The following ITFG1 variants were observed in gnomAD, a reference collection of about 807,000 sequenced individuals.
ITFG1 encodes integrin alpha FG-GAP repeat containing 1.
A neutral mutation model predicts 81.8 loss-of-function variants in ITFG1; 34 were observed. That is an observed-to-expected ratio of 0.42 (90% CI 0.32 to 0.55). The LOEUF is 0.55. ITFG1 is among the 20% of genes least tolerant of loss of function. The pLI is 0.17. For synonymous variants in ITFG1, 285 were observed against 270.6 expected (o/e 1.05, Z -0.52); for missense variants, 672 against 755.4 (o/e 0.89, Z 1.29).
chr16:47,260,790 G>A (rs1966201905), intron 10 of ITFG1, 95 bp from the exon 11 acceptor site: 3 of 1,242,930 alleles, frequency 2.4e-6, no homozygotes, highest in South Asian at 1.5e-5. Flanking sequence ...GACGGTAAAC[G>A]GTACACAGTG....
chr16:47,170,140 GCTTT>G (rs1040188527), intron 14 of ITFG1, among the ~76,000 whole-genome samples: 4 of 152,148 alleles, frequency 2.6e-5, no homozygotes, highest in African/African-American at 7.2e-5. Flanking sequence ...CTGGTCTGTA[GCTTT>G]CTTGTAGTAT....
At chr16:47,229,005 C>T (rs1317557679) in intron 13 of ITFG1, among the ~76,000 whole-genome samples, 1 of 152,082 alleles carries the variant, frequency 6.6e-6, no homozygotes, top group Non-Finnish European at 1.5e-5. Context: ...TCAATGACGG[C>T]CCATTAAAAA....
At chr16:47,372,589 G>A (rs1315173796) in intron 7 of ITFG1, among the ~76,000 whole-genome samples, 3 of 152,002 alleles carry the variant, frequency 2.0e-5, no homozygotes, top group African/African-American at 7.2e-5. Flanking sequence ...AAGTAGCTGG[G>A]ACTACAGGCA....
At chr16:47,416,786 C>T (rs538649849) in intron 6 of ITFG1, among the ~76,000 whole-genome samples, 1 of 152,294 alleles carries the variant, frequency 6.6e-6, no homozygotes, top group African/African-American at 2.4e-5. Flanking sequence ...CCACAATAAA[C>T]CCCTTCTTTG....
At chr16:47,157,394 A>G (rs902152299) in intron 17 of ITFG1, among the ~76,000 whole-genome samples, 1 of 152,224 alleles carries the variant, frequency 6.6e-6, no homozygotes, top group African/African-American at 2.4e-5. Flanking sequence ...TTGAGATACC[A>G]CAGTGCCACA....
chr16:47,318,328 GT>G (rs1470076396), intron 8 of ITFG1, among the ~76,000 whole-genome samples: 1 of 152,140 alleles, frequency 6.6e-6, no homozygotes, highest in African/African-American at 2.4e-5. Flanking sequence ...ATCTGTATTT[GT>G]GTCATATAGA....
Position 47,162,392 on chromosome 16 carries a change from A to G in ITFG1, c.1578+148T>C, listed in dbSNP as rs982504882. The G allele has an allele frequency of 3.3e-5, 22 of 665,772 alleles. No individual in the cohort carries two copies. The South Asian group carries it at 4.7e-4, about 14-fold the overall frequency. The allele number at this position is 665,772 out of a possible 1,614,324, so 41.2% of individuals were successfully genotyped here. A position where few individuals can be genotyped will look rare whatever the true frequency, so the allele number is the denominator to read the frequency against. On this transcript the variant is annotated intron_variant, in intron 15 of 17. Transcript: ENST00000320640. Reference sequence around the variant, plus strand: ...GTAAGATAAGCTTAGGTCACTACCAATAAATTTTTCTTTATTCTTTAAAGG... The same window carrying G: ...GTAAGATAAGCTTAGGTCACTACCAGTAAATTTTTCTTTATTCTTTAAAGG...
intron 8 of ITFG1, among the ~76,000 whole-genome samples, chr16:47,348,617 C>T (rs1967897523): frequency 6.6e-6 from 1 of 152,186 alleles, no homozygotes; most frequent in South Asian, 2.1e-4. Context: ...GAGAATGGAA[C>T]CAGGTTGGAA....
chr16:47,175,329 AT>A (rs1965011093), intron 14 of ITFG1, among the ~76,000 whole-genome samples: 1 of 150,800 alleles, frequency 6.6e-6, no homozygotes, highest in Non-Finnish European at 1.5e-5. Context: ...TTTTAATTAA[AT>A]TAATTATATT....
chr16:47,237,016 C>G (rs1965884827), intron 13 of ITFG1, among the ~76,000 whole-genome samples: 1 of 152,216 alleles, frequency 6.6e-6, no homozygotes, highest in Non-Finnish European at 1.5e-5. Flanking sequence ...CCGCGCCCCT[C>G]TGGCTCAGTT....
chr16:47,163,082 G>A (rs148232919), intron 14 of ITFG1, among the ~76,000 whole-genome samples: 31 of 152,234 alleles, frequency 2.0e-4, no homozygotes, highest in Non-Finnish European at 4.0e-4. Context: ...GATTACAGGC[G>A]TGACCCACCG....
chr16:47,446,635 T>A (rs1969327974), intron 5 of ITFG1, among the ~76,000 whole-genome samples: 2 of 152,102 alleles, frequency 1.3e-5, no homozygotes, highest in Admixed American at 6.6e-5. Context: ...ACTCAGGAGC[T>A]AGAACTCAGA....
At chr16:47,168,938 C>T (rs76721515) in intron 14 of ITFG1, among the ~76,000 whole-genome samples, 2 of 151,842 alleles carry the variant, frequency 1.3e-5, no homozygotes, top group African/African-American at 4.8e-5. Flanking sequence ...TTTTTTTTTA[C>T]ATGTCATTAT....
chr16:47,205,831 TC>T (rs1965489103), intron 14 of ITFG1, among the ~76,000 whole-genome samples: 1 of 22,954 alleles, frequency 4.4e-5, no homozygotes, highest in Non-Finnish European at 9.0e-5. Flanking sequence ...AATTAAATTA[TC>T]TATCTATCTA....
chr16:47,424,708 T>TG (rs199730896), intron 6 of ITFG1, among the ~76,000 whole-genome samples: 1 of 152,188 alleles, frequency 6.6e-6, no homozygotes, highest in Non-Finnish European at 1.5e-5. Context: ...GCAGGTCTGT[T>TG]GGAGTTTGCT....
chr16:47,422,158 T>C (rs139224126), intron 6 of ITFG1, among the ~76,000 whole-genome samples: 2,228 of 152,312 alleles, frequency 0.015, 20 homozygotes, highest in Admixed American at 0.016. Flanking sequence ...TGTGTCTTTA[T>C]AGTAGCATGA....
chr16:47,182,858 C>A (rs561420986), intron 14 of ITFG1, among the ~76,000 whole-genome samples: 1 of 152,140 alleles, frequency 6.6e-6, no homozygotes, highest in Admixed American at 6.5e-5. Flanking sequence ...TCTGAGGTAC[C>A]GGGTTCATCT....
intron 8 of ITFG1, among the ~76,000 whole-genome samples, chr16:47,347,353 G>A (rs914165162): frequency 7.2e-5 from 11 of 152,284 alleles, no homozygotes; most frequent in Middle Eastern, 3.4e-3. Context: ...CCCTAATACC[G>A]CGCTTTTCCA....
At position 47,307,399 on chromosome 16, in the gene ITFG1, T is replaced by G. The variant is rs1967187341; in HGVS notation, c.1070+3841A>C. Among the ~76,000 whole-genome samples, 4 of 152,156 alleles carry G rather than the reference T, an allele frequency of 2.6e-5. 1 individual carries two copies. In the South Asian group the frequency reaches 8.3e-4, roughly 32 times the overall value. On this transcript the variant is annotated intron_variant, in intron 10 of 17. Transcript: ENST00000320640. Reference sequence around the variant, plus strand: ...CTACAGAGGTTTCTTCCCTCAGAACTAATTAGTGGAGTTCTTTTTCCATTT... The same window carrying G: ...CTACAGAGGTTTCTTCCCTCAGAACGAATTAGTGGAGTTCTTTTTCCATTT...
Sources: allele counts gnomAD v4.1 joint callset (sites outside exome capture counted in the v4.1 genomes callset), GRCh38; gene constraint gnomAD v4.1.1; transcripts MANE v1.5; gene names NCBI Gene and HGNC (gene_info 2026-07-23, HGNC 2026-07-21).